Variants in CDC5L observed in about 807,000 individuals in gnomAD.
The protein encoded by CDC5L is cell division cycle 5 like.
CDC5L carries 18 observed loss-of-function variants against 104.1 expected under a neutral mutation model. That is an observed-to-expected ratio of 0.17 (90% confidence interval 0.12 to 0.26). The LOEUF (loss-of-function observed/expected upper bound fraction) is 0.26, where lower values mean the gene tolerates loss of function less well. Ranked by LOEUF, CDC5L falls within the 10% of genes least tolerant of loss-of-function variation. The pLI, the probability that CDC5L is intolerant of heterozygous loss-of-function variation, is 1.00. For missense variants in CDC5L, 673 were observed against 956.9 expected (o/e 0.70, Z 3.91); for synonymous variants, 331 against 322.7 (o/e 1.03, Z -0.28).
chr6:44,400,230 A>AT (rs1274303583), intron 5 of CDC5L, among the ~76,000 whole-genome samples: 1 of 151,692 alleles, frequency 6.6e-6, no homozygotes, highest in Non-Finnish European at 1.5e-5. Flanking sequence ...CGTTGCTTGC[A>AT]TTTTTTCTAG....
At chr6:44,409,869 G>GTTCAATGAAGGGAGTATCA (rs1344765541) in intron 8 of CDC5L, among the ~76,000 whole-genome samples, 1 of 151,420 alleles carries the variant, frequency 6.6e-6, no homozygotes, top group African/African-American at 2.4e-5. Flanking sequence ...TTACTCCCTT[G>GTTCAATGAAGGGAGTATCA]TTCAATGAAG....
intron 14 of CDC5L, among the ~76,000 whole-genome samples, chr6:44,437,724 A>T (rs974904123): frequency 6.6e-6 from 1 of 152,266 alleles, no homozygotes; most frequent in Non-Finnish European, 1.5e-5. Context: ...CTAATTAAGC[A>T]GTTTCTGAGT....
intron 3 of CDC5L, 87 bp from the exon 4 acceptor site, chr6:44,393,359 G>A: frequency 1.0e-5 from 13 of 1,300,010 alleles, no homozygotes; most frequent in South Asian, 2.9e-5. Flanking sequence ...TTTTTGGGGG[G>A]AAAAATATCG....
intron 4 of CDC5L, among the ~76,000 whole-genome samples, chr6:44,395,016 C>G (rs975917075): frequency 6.6e-6 from 1 of 151,908 alleles, no homozygotes; most frequent in Non-Finnish European, 1.5e-5. Flanking sequence ...AAGCCAGGCA[C>G]AGAGAGACAA....
rs1202769891 is a variant in CDC5L at position 44,429,863 on chromosome 6, C to A, written c.2044C>A (p.Leu682Met). The A allele has an allele frequency of 6.2e-7, 1 of 1,613,864 alleles. No individual in the cohort carries two copies. Among genetic ancestry groups the A allele is most frequent in the Non-Finnish European group, 8.5e-7 (1 of 1,179,920 alleles). ...PGQSRYTRANLASKKDRIESL... is the reference protein window; with the variant it reads ...PGQSRYTRANMASKKDRIESL... ...GCAGAGCCGCTACACACGGGCCAAT[C>A]TGGCTAGTAAAAAGGACAGAATTGA... The change falls in exon 14 of 16, where the codon CTG (leucine) becomes ATG (methionine). Residue 682 changes from leucine to methionine, a missense_variant. Physicochemically the swap from Leu to Met is conservative, Grantham distance 15 (BLOSUM62 2). Transcript: ENST00000371477.
At chr6:44,388,958 A>G (rs1790477960) in intron 1 of CDC5L, among the ~76,000 whole-genome samples, 1 of 152,114 alleles carries the variant, frequency 6.6e-6, no homozygotes, top group Non-Finnish European at 1.5e-5. Context: ...CTTGAGGATT[A>G]CACGAGTTAA....
chr6:44,442,450 T>C (rs1410511994), intron 14 of CDC5L, among the ~76,000 whole-genome samples: 3 of 151,826 alleles, frequency 2.0e-5, no homozygotes, highest in Non-Finnish European at 4.4e-5. Context: ...GGATTTTATC[T>C]TTTTATCTCT....
chr6:44,440,888 A>T (rs922759258), intron 14 of CDC5L, among the ~76,000 whole-genome samples: 9 of 151,750 alleles, frequency 5.9e-5, no homozygotes. Flanking sequence ...TTGTATTTTT[A>T]ATAGAGATGG....
intron 4 of CDC5L, 136 bp from the exon 5 acceptor site, chr6:44,396,205 A>G: frequency 2.2e-6 from 1 of 445,058 alleles, no homozygotes; most frequent in Non-Finnish European, 4.0e-6. Context: ...AGCTGTTTCC[A>G]TTATGCTACA....
In CDC5L at chr6:44,449,294, T is replaced by C. The variant is rs1793564396; in HGVS notation, c.*2583T>C. 6.6e-6 allele frequency: 1 copy of C among 152,208 alleles called. No individual in the cohort carries two copies. 9.4% of individuals were successfully genotyped at this position (152,208 alleles called of 1,614,324 possible). On this transcript the variant is annotated 3_prime_UTR_variant, in exon 16 of 16. Transcript: ENST00000371477. ...GGTGAACAGACACACTGTTATCCTT[T>C]GTCAGTATCCTGTAAAGCCCAGGAT...
At chr6:44,435,201 A>T (rs1206435773) in intron 14 of CDC5L, among the ~76,000 whole-genome samples, 2 of 151,220 alleles carry the variant, frequency 1.3e-5, no homozygotes, top group Admixed American at 6.6e-5. Context: ...TGTAAATATG[A>T]TTAAACACTA....
At position 44,446,858 on chromosome 6, in the gene CDC5L, A is replaced by G; in HGVS notation, c.*147A>G. ...ATTTTAAATGATATCGATCTTACACATTCTGTGTATAAAGACCTTAACTCC... is the reference window on the plus strand; with the variant it reads ...ATTTTAAATGATATCGATCTTACACGTTCTGTGTATAAAGACCTTAACTCC... On this transcript the variant is annotated 3_prime_UTR_variant, in exon 16 of 16. Coordinates refer to ENST00000371477, the MANE Select transcript of CDC5L (RefSeq NM_001253.4). 1 of 484,718 alleles carries G rather than the reference A, an allele frequency of 2.1e-6. No homozygotes were observed. The highest frequency in any genetic ancestry group is 3.6e-5 in the South Asian group (1 of 27,566). 30.0% of individuals were successfully genotyped at this position (484,718 alleles called of 1,614,324 possible). A position where few individuals can be genotyped will look rare whatever the true frequency, so the allele number is the denominator to read the frequency against.
intron 10 of CDC5L, among the ~76,000 whole-genome samples, chr6:44,423,122 T>G (rs1409769897): frequency 6.6e-6 from 1 of 152,230 alleles, no homozygotes; most frequent in Non-Finnish European, 1.5e-5. Context: ...GTTACTGCGT[T>G]TATTACTTTG....
intron 5 of CDC5L, among the ~76,000 whole-genome samples, chr6:44,401,250 G>C (rs1331296202): frequency 1.3e-5 from 2 of 152,074 alleles, no homozygotes; most frequent in East Asian, 3.9e-4. Context: ...TATTAGCTGA[G>C]TGTTTGGTGG....
At position 44,390,300 on chromosome 6, in the gene CDC5L, T is replaced by C. The variant is rs758516544; in HGVS notation, c.78T>C (p.Tyr26=). ...DEILKAAVMK[Y]GKNQWSRIAS... is the part of the protein sequence containing the mutation. ...TTCTGAAAGCAGCGGTAATGAAATA[T>C]GGGAAAAATCAGTGGTCTAGGATTG... Residue 26 remains tyrosine, a synonymous_variant, in exon 2 of 16, where the codon TAT becomes TAC. Coordinates refer to ENST00000371477, the MANE Select transcript of CDC5L (RefSeq NM_001253.4). The C allele has an allele frequency of 4.3e-6, 7 of 1,613,508 alleles. No individual in the cohort carries two copies. Among genetic ancestry groups the C allele is most frequent in the South Asian group, 1.1e-5 (1 of 91,048 alleles).
rs936856934 is a variant in CDC5L at position 44,406,313 on chromosome 6, T to A, written c.759-10T>A. The A allele has an allele frequency of 6.3e-7, 1 of 1,593,082 alleles. No homozygotes were observed. The highest frequency in any genetic ancestry group is 8.6e-7 in the Non-Finnish European group (1 of 1,167,264). On this transcript the variant is annotated splice_polypyrimidine_tract_variant and intron_variant, in intron 6 of 15. Transcript: ENST00000371477. ...CTTAAAAATCTCTTTTCTACTTTGA[T>A]CCATGACAGTGAAAAAGAAGGAAGA...
At chr6:44,390,238 C>T (rs374157837) in intron 1 of CDC5L, 30 bp from the exon 2 acceptor site, 2 of 1,426,308 alleles carry the variant, frequency 1.4e-6, no homozygotes, top group Admixed American at 3.4e-5. Flanking sequence ...AGTTTTGTGA[C>T]TGAATGTACT....
intron 14 of CDC5L, among the ~76,000 whole-genome samples, chr6:44,438,861 C>T (rs1227909091): frequency 6.6e-6 from 1 of 151,574 alleles, no homozygotes; most frequent in Non-Finnish European, 1.5e-5. Context: ...TTATAATATC[C>T]TTACTGAGAT....
chr6:44,443,746 C>A (rs1793318742), intron 14 of CDC5L, among the ~76,000 whole-genome samples: 1 of 151,364 alleles, frequency 6.6e-6, no homozygotes, highest in Non-Finnish European at 1.5e-5. Flanking sequence ...GCATTGCTCT[C>A]TTGACCTCGG....
Sources: gnomAD v4.1 joint callset for allele counts (sites outside exome capture counted in the v4.1 genomes callset) on GRCh38, gnomAD v4.1.1 for gene constraint, MANE v1.5 for transcripts, NCBI Gene and HGNC (gene_info 2026-07-23, HGNC 2026-07-21) for gene names.